Variants in RSRC1 observed in about 807,000 individuals in gnomAD.
RSRC1 encodes serine/Arginine-related protein 53.
Under a neutral mutation model 49.1 loss-of-function variants are expected in RSRC1, and 39 were observed. The ratio of observed to expected loss-of-function variants is 0.79; its 90% CI spans 0.61 to 1.04. The LOEUF (loss-of-function observed/expected upper bound fraction) is 1.04, where lower values mean the gene tolerates loss of function less well. Ranked by LOEUF, RSRC1 falls within the 50% of genes least tolerant of loss-of-function variation. The probability of loss-of-function intolerance (pLI) is 0.00; values close to 1 mark genes in which losing one functional copy is unlikely to be tolerated. For missense variants in RSRC1, 388 were observed against 402.4 expected, an observed-to-expected ratio of 0.96 and a Z score of 0.31; for synonymous variants, 143 against 130.8, an observed-to-expected ratio of 1.09 and a Z score of -0.63.
chr3:158,257,089 C>G (rs927015266), intron 4 of RSRC1, among the ~76,000 whole-genome samples: 13 of 151,966 alleles, frequency 8.6e-5, no homozygotes, highest in Admixed American at 4.6e-4. Flanking sequence ...CTGCTCTGAT[C>G]TTAGTTATTT....
At chr3:158,381,998 A>AT (rs904144423) in intron 6 of RSRC1, among the ~76,000 whole-genome samples, 8 of 152,022 alleles carry the variant, frequency 5.3e-5, no homozygotes, top group Non-Finnish European at 5.9e-5. Flanking sequence ...ATAAATTTTA[A>AT]TTTTTTTTAA....
At chr3:158,421,471 C>G (rs946512956) in intron 6 of RSRC1, among the ~76,000 whole-genome samples, 1 of 151,740 alleles carries the variant, frequency 6.6e-6, no homozygotes, top group Non-Finnish European at 1.5e-5. Context: ...CTAGTAAGAT[C>G]ATTGCAGTAA....
intron 8 of RSRC1, among the ~76,000 whole-genome samples, chr3:158,540,060 T>A (rs1712950009): frequency 6.6e-6 from 1 of 152,196 alleles, no homozygotes; most frequent in Non-Finnish European, 1.5e-5. Context: ...ACAGTCCCCG[T>A]AAGGCAGTAT....
chr3:158,122,468 A>C (rs1469985467), intron 2 of RSRC1, among the ~76,000 whole-genome samples, 170 bp downstream of exon 2: 1 of 152,100 alleles, frequency 6.6e-6, no homozygotes, highest in Admixed American at 6.5e-5. Context: ...CCGTGGGTCT[A>C]GTGTCCTCAA....
At chr3:158,258,346 T>TG (rs1467212988) in intron 4 of RSRC1, among the ~76,000 whole-genome samples, 1 of 151,708 alleles carries the variant, frequency 6.6e-6, no homozygotes, top group Non-Finnish European at 1.5e-5. Flanking sequence ...AAGTTTTTTT[T>TG]TTGTTGTTGT....
intron 3 of RSRC1, among the ~76,000 whole-genome samples, chr3:158,170,280 T>C (rs1718796926): frequency 6.6e-6 from 1 of 150,884 alleles, no homozygotes; most frequent in African/African-American, 2.4e-5. Context: ...ATGTCTTCTT[T>C]TATATGTTAA....
At chr3:158,388,138 C>T (rs1733061277) in intron 6 of RSRC1, among the ~76,000 whole-genome samples, 1 of 151,646 alleles carries the variant, frequency 6.6e-6, no homozygotes, top group African/African-American at 2.4e-5. Flanking sequence ...GCTATGGAAG[C>T]TTTCTTTATT....
rs1246443852 is a variant in RSRC1, at chr3:158,146,012, G to C, written c.320+22021G>C. Among the ~76,000 whole-genome samples, 4 of 152,300 alleles carry C rather than the reference G, an allele frequency of 2.6e-5. No homozygotes were observed. The East Asian group carries it at 7.7e-4, about 29-fold the overall frequency. Reference sequence around the variant, plus strand: ...GAGACTTTGCTGAAGTTGCTTATCAGCTTAAGGAGATTTTGGGCTGAGATG... The same window carrying C: ...GAGACTTTGCTGAAGTTGCTTATCACCTTAAGGAGATTTTGGGCTGAGATG... On this transcript the variant is annotated intron_variant, in intron 3 of 9. Transcript: ENST00000611884.
At chr3:158,371,572 C>T (rs1164243767) in intron 6 of RSRC1, among the ~76,000 whole-genome samples, 1 of 151,804 alleles carries the variant, frequency 6.6e-6, no homozygotes, top group Non-Finnish European at 1.5e-5. Flanking sequence ...AGCTTATTTA[C>T]TTTTTATTGC....
chr3:158,168,345 T>C (rs1718660802), intron 3 of RSRC1, among the ~76,000 whole-genome samples: 1 of 152,200 alleles, frequency 6.6e-6, no homozygotes, highest in Non-Finnish European at 1.5e-5. Flanking sequence ...CTCCAGTTGA[T>C]CTAGAGAATT....
At chr3:158,197,875 G>T (rs999094924) in intron 3 of RSRC1, among the ~76,000 whole-genome samples, 1 of 152,062 alleles carries the variant, frequency 6.6e-6, no homozygotes, top group Non-Finnish European at 1.5e-5. Context: ...TATAATTTCT[G>T]TTCCTTTACA....
intron 4 of RSRC1, among the ~76,000 whole-genome samples, chr3:158,232,939 C>G (rs1207375245): frequency 6.6e-6 from 1 of 152,080 alleles, no homozygotes; most frequent in East Asian, 1.9e-4. Flanking sequence ...TTGCATGAAG[C>G]TTTGAGCTTC....
In RSRC1 at chr3:158,519,642, G is replaced by A. The variant is rs149754005; in HGVS notation, c.653-17450G>A. On this transcript the variant is annotated intron_variant, in intron 7 of 9. Transcript: ENST00000611884. ...CAGGAGCCAGATTATACCAGCCTTC[G>A]TAAGTAAGAGCATAAAATGTAAACT... is the stretch of plus-strand genomic sequence containing the variant. Among the ~76,000 whole-genome samples the A allele has an allele frequency of 1.9e-4, 29 of 152,152 alleles. 1 individual carries two copies. In the East Asian group the frequency reaches 4.4e-3, roughly 23 times the overall value.
At chr3:158,115,136 G>A (rs1346340176) in intron 1 of RSRC1, among the ~76,000 whole-genome samples, 1 of 152,128 alleles carries the variant, frequency 6.6e-6, no homozygotes, top group Non-Finnish European at 1.5e-5. Flanking sequence ...CTGTGGGTTT[G>A]TTGTAAATGG....
intron 6 of RSRC1, among the ~76,000 whole-genome samples, chr3:158,452,222 C>G (rs909871516): frequency 6.6e-6 from 1 of 152,026 alleles, no homozygotes; most frequent in Admixed American, 6.6e-5. Context: ...GTCATTCTGA[C>G]CATTGACAAA....
At chr3:158,509,896 C>A (rs941879824) in intron 7 of RSRC1, among the ~76,000 whole-genome samples, 3 of 152,124 alleles carry the variant, frequency 2.0e-5, no homozygotes, top group Non-Finnish European at 2.9e-5. Context: ...CATTCTTATA[C>A]CTCTCTCCTG....
chr3:158,140,409 T>C (rs929706703), intron 3 of RSRC1, among the ~76,000 whole-genome samples: 1 of 152,220 alleles, frequency 6.6e-6, no homozygotes, highest in Non-Finnish European at 1.5e-5. Context: ...GTTTCCGATA[T>C]GCACTCTGCT....
chr3:158,180,837 C>T (rs1333750085), intron 3 of RSRC1, among the ~76,000 whole-genome samples: 3 of 137,264 alleles, frequency 2.2e-5, no homozygotes, highest in Non-Finnish European at 4.6e-5. Context: ...TGGAGTCTCG[C>T]GCTGTCACCC....
rs1430724785 is a variant in RSRC1 at position 158,146,962 on chromosome 3, C to G, written c.320+22971C>G. On this transcript the variant is annotated intron_variant, in intron 3 of 9. Coordinates refer to ENST00000611884, the MANE Select transcript of RSRC1 (RefSeq NM_001271838.2). Reference sequence around the variant, plus strand: ...TCAAACATACTCAAGAGAAGAAATACAATATATACACAGTACCTAGATTGA... The same window carrying G: ...TCAAACATACTCAAGAGAAGAAATAGAATATATACACAGTACCTAGATTGA... 5.3e-5 allele frequency among the ~76,000 whole-genome samples: 8 copies of G among 152,096 alleles called. No individual in the cohort carries two copies. In the East Asian group the frequency reaches 1.5e-3, roughly 29 times the overall value.
Sources: allele counts gnomAD v4.1 joint callset (sites outside exome capture counted in the v4.1 genomes callset), GRCh38; gene constraint gnomAD v4.1.1; transcripts MANE v1.5; gene names NCBI Gene and HGNC (gene_info 2026-07-23, HGNC 2026-07-21).